GREM1: variants seen among roughly 807,000 people sequenced by gnomAD.
GREM1 encodes gremlin 1, DAN family BMP antagonist.
In GREM1, 6 loss-of-function variants were observed where a neutral mutation model predicts 13.1. That is an observed-to-expected ratio of 0.46 (90% CI 0.25 to 0.91). The LOEUF is 0.91. GREM1 is among the 40% of genes least tolerant of loss of function. GREM1 has a pLI of 0.18. For synonymous variants in GREM1, 98 were observed against 93.7 expected, an observed-to-expected ratio of 1.05 and a Z score of -0.27; for missense variants, 185 against 233.9, an observed-to-expected ratio of 0.79 and a Z score of 1.36.
At position 32,736,732 on chromosome 15, in the gene GREM1, CAAAG is replaced by C. The variant is rs1016901650; in HGVS notation, c.*5491_*5494del. 3 of 152,132 alleles carry C rather than the reference CAAAG, an allele frequency of 2.0e-5. No homozygotes were observed. Among genetic ancestry groups the C allele is most frequent in the Non-Finnish European group, 2.9e-5 (2 of 68,018 alleles). 9.4% of individuals were successfully genotyped at this position (152,132 alleles called of 1,614,324 possible). ...GAATTAGTTCAGAAAAGTCATTAAA[CAAAG>C]AAACAACAACAAACCCTGGGGAAAT... On this transcript the variant is annotated 3_prime_UTR_variant, in exon 2 of 2. Transcript: ENST00000651154.
rs1213982712 is a variant in GREM1 at position 32,739,717 on chromosome 15, A to C, written c.*8472A>C. 6.6e-6 allele frequency: 1 copy of C among 152,304 alleles called. No homozygotes were observed. Among genetic ancestry groups the C allele is most frequent in the East Asian group, 1.9e-4 (1 of 5,194 alleles). 9.4% of individuals were successfully genotyped at this position (152,304 alleles called of 1,614,324 possible). On this transcript the variant is annotated 3_prime_UTR_variant, in exon 2 of 2. Transcript: ENST00000651154. ...GGCTCCTGCACTCCCAGCAAATGCA[A>C]AAACCAGACTCACCAAAGCTGGTAG...
Position 32,741,339 on chromosome 15 carries a change from T to C in GREM1, c.*10094T>C, listed in dbSNP as rs573290044. 4 of 151,908 alleles carry C rather than the reference T, an allele frequency of 2.6e-5. No individual in the cohort carries two copies. The highest frequency in any genetic ancestry group is 9.7e-5 in the African/African-American group (4 of 41,402). 9.4% of individuals were successfully genotyped at this position (151,908 alleles called of 1,614,324 possible). On this transcript the variant is annotated 3_prime_UTR_variant, in exon 2 of 2. Coordinates refer to ENST00000651154, the MANE Select transcript of GREM1 (RefSeq NM_013372.7). ...AAACAGTATCTAAGCCTTGTTTTTA[T>C]GATATTGGGGAACAGTAACAGATCA...
chr15:32,730,636 A>T, intron 1 of GREM1, 54 bp from the exon 2 acceptor site: 1 of 1,246,458 alleles, frequency 8.0e-7, no homozygotes, highest in Non-Finnish European at 1.1e-6. Context: ...ATTAATTTTT[A>T]AATTAACTTT....
rs1470391149 is a variant in GREM1 at position 32,742,474 on chromosome 15, A to G, written c.*11229A>G. The G allele has an allele frequency of 6.6e-6, 1 of 152,210 alleles. No individual in the cohort carries two copies. The highest frequency in any genetic ancestry group is 1.5e-5 in the Non-Finnish European group (1 of 68,030). 9.4% of individuals were successfully genotyped at this position (152,210 alleles called of 1,614,324 possible). ...CCCAAAGTGATCTATAGATTCATGC[A>G]ATCCCCATCAAAAATCCCAGTGGCA... On this transcript the variant is annotated 3_prime_UTR_variant, in exon 2 of 2. Transcript: ENST00000651154.
Position 32,735,462 on chromosome 15 carries a change from A to C in GREM1, c.*4217A>C, listed in dbSNP as rs530263498. 5.9e-5 allele frequency: 9 copies of C among 152,340 alleles called. No individual in the cohort carries two copies. In the South Asian group the frequency reaches 1.9e-3, roughly 32 times the overall value. 9.4% of individuals were successfully genotyped at this position (152,340 alleles called of 1,614,324 possible). A position where few individuals can be genotyped will look rare whatever the true frequency, so the allele number is the denominator to read the frequency against. On this transcript the variant is annotated 3_prime_UTR_variant, in exon 2 of 2. Coordinates refer to ENST00000651154, the MANE Select transcript of GREM1 (RefSeq NM_013372.7). ...TTAAACATTATGCAAAACTGTGAGC[A>C]ACTTTTATCGGTTTGTTCTTTTAAG... is the stretch of plus-strand genomic sequence containing the variant.
rs1490319512 is a variant in GREM1 at position 32,744,471 on chromosome 15, G to A, written c.*13226G>A. ...GCCTGAAGTCCCAGCTACTCGGGAG[G>A]CTGAGGCAGGGGAATGGCGTGAACC... On this transcript the variant is annotated 3_prime_UTR_variant, in exon 2 of 2. Transcript: ENST00000651154. The A allele has an allele frequency of 2.6e-5, 4 of 151,848 alleles. No homozygotes were observed. The highest frequency in any genetic ancestry group is 2.6e-4 in the Admixed American group (4 of 15,228). The allele number at this position is 151,848 out of a possible 1,614,324, so 9.4% of individuals were successfully genotyped here. A position where few individuals can be genotyped will look rare whatever the true frequency, so the allele number is the denominator to read the frequency against.
intron 1 of GREM1, among the ~76,000 whole-genome samples, chr15:32,723,083 T>A (rs1347846614): frequency 6.6e-6 from 1 of 152,222 alleles, no homozygotes; most frequent in Non-Finnish European, 1.5e-5. Context: ...ATGAATGATG[T>A]CATAGGAACC....
At position 32,734,831 on chromosome 15, in the gene GREM1, G is replaced by A. The variant is rs758368294; in HGVS notation, c.*3586G>A. 12 of 180,484 alleles carry A rather than the reference G, an allele frequency of 6.6e-5. No individual in the cohort carries two copies. Among genetic ancestry groups the A allele is most frequent in the African/African-American group, 9.4e-5 (4 of 42,398 alleles). 11.2% of individuals were successfully genotyped at this position (180,484 alleles called of 1,614,324 possible). A position where few individuals can be genotyped will look rare whatever the true frequency, so the allele number is the denominator to read the frequency against. Reference sequence around the variant, plus strand: ...GCCTTTCAGACCCTGCTTGATTTCCGTAGGACACTTCAGGTTGTGGCAAGG... The same window carrying A: ...GCCTTTCAGACCCTGCTTGATTTCCATAGGACACTTCAGGTTGTGGCAAGG... On this transcript the variant is annotated 3_prime_UTR_variant, in exon 2 of 2. Transcript: ENST00000651154.
Position 32,737,476 on chromosome 15 carries a change from T to C in GREM1, c.*6231T>C, listed in dbSNP as rs1355011848. 2.0e-5 allele frequency: 3 copies of C among 152,190 alleles called. No individual in the cohort carries two copies. Among genetic ancestry groups the C allele is most frequent in the Admixed American group, 6.5e-5 (1 of 15,280 alleles). The allele number at this position is 152,190 out of a possible 1,614,324, so 9.4% of individuals were successfully genotyped here. Reference sequence around the variant, plus strand: ...AAGATTGATTTAACCATCAGTGTAATGCATCATATTAATAGAATAAAGACA... The same window carrying C: ...AAGATTGATTTAACCATCAGTGTAACGCATCATATTAATAGAATAAAGACA... On this transcript the variant is annotated 3_prime_UTR_variant, in exon 2 of 2. Transcript: ENST00000651154.
In GREM1 at chr15:32,741,216, C is replaced by T. The variant is rs2055758547; in HGVS notation, c.*9971C>T. 2 of 152,024 alleles carry T rather than the reference C, an allele frequency of 1.3e-5. No individual in the cohort carries two copies. Among genetic ancestry groups the T allele is most frequent in the Admixed American group, 1.3e-4 (2 of 15,260 alleles). 9.4% of individuals were successfully genotyped at this position (152,024 alleles called of 1,614,324 possible). ...GTCTGGAAGGCAAGGAAGCTCATTC[C>T]AACAGATTCATGCTACATTGTTTAG... On this transcript the variant is annotated 3_prime_UTR_variant, in exon 2 of 2. Coordinates refer to ENST00000651154, the MANE Select transcript of GREM1 (RefSeq NM_013372.7).
intron 1 of GREM1, among the ~76,000 whole-genome samples, chr15:32,723,050 G>C (rs905126629): frequency 2.6e-5 from 4 of 152,186 alleles, no homozygotes; most frequent in Non-Finnish European, 2.9e-5. Flanking sequence ...TTACCATAAA[G>C]TGTTTGCAGC....
rs2055690914 is a variant in GREM1 at position 32,735,873 on chromosome 15, T to C, written c.*4628T>C. On this transcript the variant is annotated 3_prime_UTR_variant, in exon 2 of 2. Transcript: ENST00000651154. ...CTCCTCCATAAAACTAATGAGAATG[T>C]GACAAAAATAGATTCAACTTCTTAT... 6.6e-6 allele frequency: 1 copy of C among 151,650 alleles called. No homozygotes were observed. Among genetic ancestry groups the C allele is most frequent in the Non-Finnish European group, 1.5e-5 (1 of 68,010 alleles). The allele number at this position is 151,650 out of a possible 1,614,324, so 9.4% of individuals were successfully genotyped here. A position where few individuals can be genotyped will look rare whatever the true frequency, so the allele number is the denominator to read the frequency against.
chr15:32,730,857 G>A lies in GREM1; in HGVS notation c.167G>A (p.Arg56Lys). 3 of 1,613,658 alleles carry A rather than the reference G, an allele frequency of 1.9e-6. No individual in the cohort carries two copies. Among genetic ancestry groups the A allele is most frequent in the Non-Finnish European group, 2.5e-6 (3 of 1,179,810 alleles). Residue 56 changes from arginine to lysine, a missense_variant, in exon 2 of 2, where the codon AGG becomes AAG. Physicochemically the swap from Arg to Lys is conservative, Grantham distance 26 (BLOSUM62 2). Transcript: ENST00000651154. ...CAGTCGCCCCAGCAGCCTGGCTCCA[G>A]GAACCGGGGGCGGGGCCAAGGGCGG... Reference protein sequence around the residue: ...QTQSPQQPGSRNRGRGQGRGT... With the variant: ...QTQSPQQPGSKNRGRGQGRGT...
chr15:32,734,427 G>A lies in GREM1; in HGVS notation c.*3182G>A, dbSNP rs910758818. 1.6e-5 allele frequency: 4 copies of A among 246,206 alleles called. No individual in the cohort carries two copies. Among genetic ancestry groups the A allele is most frequent in the African/African-American group, 6.6e-5 (3 of 45,236 alleles). The allele number at this position is 246,206 out of a possible 1,614,324, so 15.3% of individuals were successfully genotyped here. ...AAGTAGTTCTATTGACATTCCTCAA[G>A]ATATTTAATATCAACTGCATTATGT... On this transcript the variant is annotated 3_prime_UTR_variant, in exon 2 of 2. Transcript: ENST00000651154.
At position 32,734,263 on chromosome 15, in the gene GREM1, A is replaced by G; in HGVS notation, c.*3018A>G. ...GAAAGACTTTAAATGTTATTTTGGA[A>G]GACTTACGATGCATGTATACAAACG... is the stretch of plus-strand genomic sequence containing the variant. On this transcript the variant is annotated 3_prime_UTR_variant, in exon 2 of 2. Transcript: ENST00000651154. 8.2e-6 allele frequency: 2 copies of G among 243,770 alleles called. No homozygotes were observed. The highest frequency in any genetic ancestry group is 1.7e-5 in the Non-Finnish European group (2 of 115,502). 15.1% of individuals were successfully genotyped at this position (243,770 alleles called of 1,614,324 possible).
intron 1 of GREM1, among the ~76,000 whole-genome samples, chr15:32,726,374 A>T (rs1205557145): frequency 2.0e-5 from 3 of 152,208 alleles, no homozygotes; most frequent in African/African-American, 7.2e-5. Flanking sequence ...TGGAAACTGA[A>T]CAACCTGCTC....
rs565309327 is a variant in GREM1, at chr15:32,737,293, T to C, written c.*6048T>C. 6.6e-6 allele frequency: 1 copy of C among 152,190 alleles called. No homozygotes were observed. The highest frequency in any genetic ancestry group is 1.5e-5 in the Non-Finnish European group (1 of 68,040). The allele number at this position is 152,190 out of a possible 1,614,324, so 9.4% of individuals were successfully genotyped here. The stretch of plus-strand genomic sequence containing the variant: ...TTTTCTATAACTAGTATTACCTTGA[T>C]ACCAAATTCTGACAAATACATCAAA... On this transcript the variant is annotated 3_prime_UTR_variant, in exon 2 of 2. Transcript: ENST00000651154.
chr15:32,721,686 G>A (rs567044209), intron 1 of GREM1, among the ~76,000 whole-genome samples: 1 of 152,148 alleles, frequency 6.6e-6, no homozygotes, highest in South Asian at 2.1e-4. Context: ...CCCAGGAGGC[G>A]GAGGTTGCAG....
At position 32,734,480 on chromosome 15, in the gene GREM1, C is replaced by T. The variant is rs1238384007; in HGVS notation, c.*3235C>T. 1.6e-5 allele frequency: 4 copies of T among 246,194 alleles called. No individual in the cohort carries two copies. The highest frequency in any genetic ancestry group is 1.8e-4 in the South Asian group (1 of 5,512). 15.3% of individuals were successfully genotyped at this position (246,194 alleles called of 1,614,324 possible). A position where few individuals can be genotyped will look rare whatever the true frequency, so the allele number is the denominator to read the frequency against. Reference sequence around the variant, plus strand: ...TATGTCTGCTTAAATCATTTAAAAACGGCAAAGAATTATATAGACTATGAG... The same window carrying T: ...TATGTCTGCTTAAATCATTTAAAAATGGCAAAGAATTATATAGACTATGAG... On this transcript the variant is annotated 3_prime_UTR_variant, in exon 2 of 2. Transcript: ENST00000651154.
Sources: gnomAD v4.1 joint callset for allele counts (sites outside exome capture counted in the v4.1 genomes callset) on GRCh38, gnomAD v4.1.1 for gene constraint, MANE v1.5 for transcripts, NCBI Gene and HGNC (gene_info 2026-07-23, HGNC 2026-07-21) for gene names.